FSTL5: variants seen among roughly 807,000 people sequenced by gnomAD.
The protein encoded by FSTL5 is follistatin like 5.
FSTL5 carries 62 observed loss-of-function variants against 89.1 expected under a neutral mutation model. That is an observed-to-expected ratio of 0.70 (90% CI 0.57 to 0.86). The LOEUF (loss-of-function observed/expected upper bound fraction) is 0.86, where lower values mean the gene tolerates loss of function less well. Among genes scored for constraint, FSTL5 ranks in the 40% least tolerant of loss-of-function variants. The pLI, the probability that FSTL5 is intolerant of heterozygous loss-of-function variation, is 0.00. For missense variants in FSTL5, 1,057 were observed against 1,001.6 expected (o/e 1.06, Z -0.75); for synonymous variants, 383 against 346.2 (o/e 1.11, Z -1.18).
At chr4:161,425,732 G>C (rs1365967043) in intron 15 of FSTL5, among the ~76,000 whole-genome samples, 2 of 152,124 alleles carry the variant, frequency 1.3e-5, no homozygotes, top group Non-Finnish European at 2.9e-5. Context: ...AGATGATCTG[G>C]TTCAATCCCC....
intron 4 of FSTL5, among the ~76,000 whole-genome samples, chr4:161,918,329 C>T (rs1185926577): frequency 6.6e-6 from 1 of 152,052 alleles, no homozygotes; most frequent in Non-Finnish European, 1.5e-5. Flanking sequence ...CATAAGCAAA[C>T]AAAAGACCCA....
chr4:162,065,276 G>C (rs577184796), intron 2 of FSTL5, among the ~76,000 whole-genome samples: 3 of 151,730 alleles, frequency 2.0e-5, no homozygotes, highest in South Asian at 4.2e-4. Flanking sequence ...CTATATAATG[G>C]GTGAAAATAT....
At chr4:162,080,812 G>A (rs1196850513) in intron 2 of FSTL5, among the ~76,000 whole-genome samples, 6 of 151,616 alleles carry the variant, frequency 4.0e-5, no homozygotes, top group African/African-American at 1.4e-4. Context: ...CTATGCAGTA[G>A]ATTAAATACA....
chr4:162,017,676 A>T (rs1736952363), intron 3 of FSTL5, among the ~76,000 whole-genome samples: 1 of 152,206 alleles, frequency 6.6e-6, no homozygotes, highest in African/African-American at 2.4e-5. Context: ...TCAGAGAACA[A>T]TGGGATCAGC....
intron 12 of FSTL5, among the ~76,000 whole-genome samples, chr4:161,491,503 G>T (rs1729871469): frequency 6.6e-6 from 1 of 151,908 alleles, no homozygotes; most frequent in Admixed American, 6.6e-5. Flanking sequence ...AGATGGGATA[G>T]AACTGATCGC....
At chr4:161,634,410 A>C (rs1735617854) in intron 7 of FSTL5, among the ~76,000 whole-genome samples, 1 of 152,186 alleles carries the variant, frequency 6.6e-6, no homozygotes, top group South Asian at 2.1e-4. Flanking sequence ...AGGAAGTGAA[A>C]TCAGTATCTT....
At chr4:161,773,685 T>C (rs980884007) in intron 5 of FSTL5, among the ~76,000 whole-genome samples, 2 of 151,814 alleles carry the variant, frequency 1.3e-5, no homozygotes, top group Admixed American at 1.3e-4. Context: ...TCTAAACTTT[T>C]AAAAAAAATG....
chr4:162,155,198 A>G (rs2110746251), intron 1 of FSTL5, among the ~76,000 whole-genome samples: 1 of 152,304 alleles, frequency 6.6e-6, no homozygotes, highest in South Asian at 2.1e-4. Context: ...ATGTAATTAA[A>G]TGTATATCAA....
At chr4:161,581,582 C>G (rs928413342) in intron 8 of FSTL5, among the ~76,000 whole-genome samples, 13 of 152,186 alleles carry the variant, frequency 8.5e-5, no homozygotes, top group African/African-American at 3.1e-4. Flanking sequence ...GCTGGGTTTT[C>G]TAAATAATAG....
intron 3 of FSTL5, among the ~76,000 whole-genome samples, chr4:161,926,218 C>T (rs970570131): frequency 4.0e-5 from 6 of 151,754 alleles, no homozygotes; most frequent in Non-Finnish European, 5.9e-5. Context: ...ACTTTGCAGT[C>T]GGTCAAAAAA....
chr4:161,947,629 G>C (rs776325300), intron 3 of FSTL5, among the ~76,000 whole-genome samples: 1 of 152,006 alleles, frequency 6.6e-6, no homozygotes, highest in Non-Finnish European at 1.5e-5. Context: ...ATAAGTTTTG[G>C]AGTCAGATAA....
Position 161,583,659 on chromosome 4 carries a change from A to G in FSTL5, c.1015+3796T>C, listed in dbSNP as rs77656311. On this transcript the variant is annotated intron_variant, in intron 8 of 15. Coordinates refer to ENST00000306100, the MANE Select transcript of FSTL5 (RefSeq NM_020116.5). The stretch of plus-strand genomic sequence containing the variant: ...CTTATTTTTCCTTGTGGTTAAGACT[A>G]GAACTGGCAAATTAGATTAGGACAT... Among the ~76,000 whole-genome samples the G allele has an allele frequency of 6.3e-3, 959 of 152,312 alleles. 13 individuals carry two copies. The highest frequency in any genetic ancestry group is 0.022 in the African/African-American group (920 of 41,560).
At position 161,766,332 on chromosome 4, in the gene FSTL5, C is replaced by T. The variant is rs1419995913; in HGVS notation, c.607-6801G>A. Among the ~76,000 whole-genome samples the T allele has an allele frequency of 2.0e-5, 3 of 151,996 alleles. No homozygotes were observed. The East Asian group carries it at 5.8e-4, about 29-fold the overall frequency. ...CTGTTTGCTGCTGACAAACTGAGGC[C>T]GCCATTCTACCAAGTGAAGCCTGCT... is the stretch of plus-strand genomic sequence containing the variant. On this transcript the variant is annotated intron_variant, in intron 5 of 15. Coordinates refer to ENST00000306100, the MANE Select transcript of FSTL5 (RefSeq NM_020116.5).
At chr4:162,089,232 G>C (rs894927939) in intron 2 of FSTL5, among the ~76,000 whole-genome samples, 2 of 152,052 alleles carry the variant, frequency 1.3e-5, no homozygotes, top group African/African-American at 2.4e-5. Flanking sequence ...TTTGTTTCAA[G>C]TTACTTAGTC....
chr4:161,738,590 T>C (rs1237916361), intron 6 of FSTL5, among the ~76,000 whole-genome samples: 1 of 152,090 alleles, frequency 6.6e-6, no homozygotes, highest in Non-Finnish European at 1.5e-5. Flanking sequence ...CAATAAACTG[T>C]GATCAAACTG....
chr4:161,527,464 C>T lies in FSTL5; in HGVS notation c.1312+10702G>A, dbSNP rs1419904261. On this transcript the variant is annotated intron_variant, in intron 10 of 15. Transcript: ENST00000306100. ...AATTTACAAGAAAAAAACAAACAAC[C>T]CCTTCAAAAAGTGGGTGAAGGACAT... Among the ~76,000 whole-genome samples the T allele has an allele frequency of 2.6e-5, 4 of 151,942 alleles. No individual in the cohort carries two copies. The East Asian group carries it at 7.7e-4, about 29-fold the overall frequency.
At chr4:161,738,873 A>G (rs1416662984) in intron 6 of FSTL5, among the ~76,000 whole-genome samples, 1 of 152,172 alleles carries the variant, frequency 6.6e-6, no homozygotes, top group Non-Finnish European at 1.5e-5. Context: ...TGGTTAAATC[A>G]CTTGCACAAT....
At chr4:161,826,748 T>G (rs368372962) in intron 4 of FSTL5, among the ~76,000 whole-genome samples, 17 of 152,142 alleles carry the variant, frequency 1.1e-4, no homozygotes, top group East Asian at 9.6e-4. Flanking sequence ...TAGACTATCT[T>G]TTTCTACCCC....
chr4:161,538,141 T>TG, intron 10 of FSTL5, 25 bp downstream of exon 10: 1 of 1,611,642 alleles, frequency 6.2e-7, no homozygotes, highest in South Asian at 1.1e-5. Flanking sequence ...GGTGTGTGTG[T>TG]GCTGTTGGGT....
Sources: allele counts gnomAD v4.1 joint callset (sites outside exome capture counted in the v4.1 genomes callset), GRCh38; gene constraint gnomAD v4.1.1; transcripts MANE v1.5; gene names NCBI Gene and HGNC (gene_info 2026-07-23, HGNC 2026-07-21).